TRIQK: variants seen among roughly 807,000 people sequenced by gnomAD.
TRIQK encodes triple QxxK/R motif containing.
Under a neutral mutation model 10.8 loss-of-function variants are expected in TRIQK, and 10 were observed. That is an observed-to-expected ratio of 0.92 (90% CI 0.57 to 1.57). The LOEUF is 1.57. Among genes scored for constraint, TRIQK ranks in the 40% most tolerant of loss-of-function variants. The probability of loss-of-function intolerance (pLI) is 0.00; values close to 1 mark genes in which losing one functional copy is unlikely to be tolerated. For synonymous variants in TRIQK, 33 were observed against 33.7 expected (o/e 0.98, Z 0.07); for missense variants, 107 against 97.7 (o/e 1.09, Z -0.40).
At chr8:93,011,493 A>G (rs1199262102) in intron 1 of TRIQK, among the ~76,000 whole-genome samples, 1 of 152,152 alleles carries the variant, frequency 6.6e-6, no homozygotes, top group Non-Finnish European at 1.5e-5. Context: ...CAACTCAAAA[A>G]TGAGCTTTAG....
chr8:92,967,757 G>A (rs1049425914), upstream of TRIQK, among the ~76,000 whole-genome samples: 12 of 150,032 alleles, frequency 8.0e-5, no homozygotes, highest in Admixed American at 2.0e-4. Context: ...GGGAGGCAGA[G>A]GTTGCAGTGA....
At chr8:93,004,880 T>C (rs957203756) in intron 1 of TRIQK, among the ~76,000 whole-genome samples, 8 of 152,204 alleles carry the variant, frequency 5.3e-5, no homozygotes. Context: ...TGAGACCAGC[T>C]CAGCCTGAAC....
rs1813361589 is a variant in TRIQK at position 93,014,189 on chromosome 8, T to C, written c.-181+3420A>G. On this transcript the variant is annotated intron_variant, in intron 1 of 4. Coordinates refer to the TRIQK transcript ENST00000520686. ...ATATATGCAAATAATGAATTAGAAA[T>C]CAATTTCGAATAAACAATGTTACAG... 2.0e-5 allele frequency among the ~76,000 whole-genome samples: 3 copies of C among 152,172 alleles called. No individual in the cohort carries two copies. In the South Asian group the frequency reaches 6.2e-4, roughly 32 times the overall value.
chr8:92,959,507 AC>A (rs1306724729), intron 1 of TRIQK, among the ~76,000 whole-genome samples: 1 of 151,634 alleles, frequency 6.6e-6, no homozygotes, highest in Non-Finnish European at 1.5e-5. Flanking sequence ...ACACACACAC[AC>A]ACACACACAC....
At position 92,959,264 on chromosome 8, in the gene TRIQK, T is replaced by A. The variant is rs78638329; in HGVS notation, c.-180-4700A>T. The stretch of plus-strand genomic sequence containing the variant: ...CTATTCAATGGTTTGGGGATATTTT[T>A]TAATCTATTCATACTCTTGGATTAT... On this transcript the variant is annotated intron_variant, in intron 1 of 4. Transcript: ENST00000521988. Among the ~76,000 whole-genome samples the A allele has an allele frequency of 1.4e-4, 21 of 152,184 alleles. No homozygotes were observed. The East Asian group carries it at 4.1e-3, about 29-fold the overall frequency.
chr8:92,945,281 C>T (rs74461730), intron 2 of TRIQK, among the ~76,000 whole-genome samples: 6 of 152,150 alleles, frequency 3.9e-5, no homozygotes, highest in Non-Finnish European at 8.8e-5. Flanking sequence ...AGGCACAGCC[C>T]TATCACCACT....
intron 2 of TRIQK, among the ~76,000 whole-genome samples, chr8:92,938,491 T>C (rs1046490056): frequency 1.3e-5 from 2 of 152,232 alleles, no homozygotes; most frequent in Middle Eastern, 3.4e-3. Flanking sequence ...TCTACTATTA[T>C]ACTGGTCAGA....
chr8:92,972,110 A>G (rs934722255), intron 1 of TRIQK, among the ~76,000 whole-genome samples: 3 of 152,088 alleles, frequency 2.0e-5, no homozygotes, highest in African/African-American at 7.2e-5. Context: ...TGTTGTTTCT[A>G]CTAGATCCAT....
chr8:92,977,995 T>C (rs892192581), intron 1 of TRIQK, among the ~76,000 whole-genome samples: 16 of 152,168 alleles, frequency 1.1e-4, no homozygotes, highest in African/African-American at 3.6e-4. Flanking sequence ...GTTGGTCTTA[T>C]GGATTTTTCT....
chr8:92,903,393 G>C (rs1052405682), intron 3 of TRIQK, among the ~76,000 whole-genome samples: 1 of 151,836 alleles, frequency 6.6e-6, no homozygotes, highest in Non-Finnish European at 1.5e-5. Flanking sequence ...TTATACACGT[G>C]AATATACTAT....
At chr8:92,943,528 C>T (rs1209941785) in intron 2 of TRIQK, among the ~76,000 whole-genome samples, 1 of 152,160 alleles carries the variant, frequency 6.6e-6, no homozygotes, top group Non-Finnish European at 1.5e-5. Flanking sequence ...CATACACTTA[C>T]AGCCAACTGA....
At chr8:92,886,877 C>A in intron 4 of TRIQK, 142 bp from the exon 5 acceptor site, 1 of 437,666 alleles carries the variant, frequency 2.3e-6, no homozygotes, top group Non-Finnish European at 4.2e-6. Context: ...TTTTGTTTAC[C>A]ATTTTTTGCC....
upstream of TRIQK, among the ~76,000 whole-genome samples, chr8:92,970,578 T>C (rs561313695): frequency 1.3e-5 from 2 of 152,326 alleles, no homozygotes; most frequent in African/African-American, 4.8e-5. Flanking sequence ...TTTCATATGT[T>C]TCTTGGCCAC....
intron 1 of TRIQK, among the ~76,000 whole-genome samples, chr8:92,958,099 T>C (rs1340706011): frequency 6.6e-6 from 1 of 151,944 alleles, no homozygotes; most frequent in Non-Finnish European, 1.5e-5. Flanking sequence ...TTGCATGTCA[T>C]ATAAGAGCCT....
chr8:92,927,662 T>A (rs897363482), intron 2 of TRIQK, among the ~76,000 whole-genome samples: 1 of 152,128 alleles, frequency 6.6e-6, no homozygotes, highest in Admixed American at 6.6e-5. Flanking sequence ...AATGCATATG[T>A]CATACATGTG....
chr8:93,000,238 T>C (rs1813195113), intron 1 of TRIQK, among the ~76,000 whole-genome samples: 1 of 152,180 alleles, frequency 6.6e-6, no homozygotes, highest in African/African-American at 2.4e-5. Context: ...AATAACTATA[T>C]CTGTATTAGT....
At chr8:92,917,107 G>T in intron 2 of TRIQK, 97 bp from the exon 3 acceptor site, 1 of 584,766 alleles carries the variant, frequency 1.7e-6, no homozygotes, top group Non-Finnish European at 2.6e-6. Flanking sequence ...TTAAAGCAAT[G>T]GGTACAAATA....
At chr8:92,990,171 C>T (rs776224946) in intron 1 of TRIQK, among the ~76,000 whole-genome samples, 2 of 152,174 alleles carry the variant, frequency 1.3e-5, no homozygotes, top group Non-Finnish European at 2.9e-5. Flanking sequence ...ATGCTCTTCA[C>T]ATTGGTTATT....
chr8:92,918,678 C>T (rs1050017386), intron 2 of TRIQK, among the ~76,000 whole-genome samples: 2 of 151,794 alleles, frequency 1.3e-5, no homozygotes, highest in Admixed American at 6.6e-5. Context: ...TGTCTCTTCA[C>T]TTTGTTGATT....
Sources: allele counts gnomAD v4.1 joint callset (sites outside exome capture counted in the v4.1 genomes callset), GRCh38; gene constraint gnomAD v4.1.1; transcripts MANE v1.5; gene names NCBI Gene and HGNC (gene_info 2026-07-23, HGNC 2026-07-21).